CNTLN: variants seen among roughly 807,000 people sequenced by gnomAD.
CNTLN encodes the protein centlein, centrosomal protein.
CNTLN carries 212 observed loss-of-function variants against 180.0 expected under a neutral mutation model. That is an observed-to-expected ratio of 1.18 (90% CI 1.05 to 1.32). The LOEUF (loss-of-function observed/expected upper bound fraction) is 1.32, where lower values mean the gene tolerates loss of function less well. CNTLN is among the 40% of genes most tolerant of loss of function. CNTLN has a pLI of 0.00. For missense variants in CNTLN, 2,095 were observed against 1,610.9 expected, an observed-to-expected ratio of 1.30 and a Z score of -5.14; for synonymous variants, 722 against 563.1, an observed-to-expected ratio of 1.28 and a Z score of -3.99.
At chr9:17,309,951 G>T (rs900269167) in intron 8 of CNTLN, among the ~76,000 whole-genome samples, 1 of 151,800 alleles carries the variant, frequency 6.6e-6, no homozygotes, top group African/African-American at 2.4e-5. Flanking sequence ...ATTTTTGAAC[G>T]CAGCACATTT....
At chr9:17,199,680 G>A (rs1822391641) in intron 2 of CNTLN, among the ~76,000 whole-genome samples, 1 of 152,088 alleles carries the variant, frequency 6.6e-6, no homozygotes, top group Non-Finnish European at 1.5e-5. Flanking sequence ...CCCAGTTTTT[G>A]ATGGGGTTGT....
At chr9:17,513,314 C>G in the CNTLN span, among the ~76,000 whole-genome samples, 1 of 151,260 alleles carries the variant, frequency 6.6e-6, no homozygotes. Flanking sequence ...TGAGACATAG[C>G]TAAAGCTCTA....
At chr9:17,202,502 G>A (rs1203891305) in intron 2 of CNTLN, among the ~76,000 whole-genome samples, 10 of 152,114 alleles carry the variant, frequency 6.6e-5, no homozygotes, top group Admixed American at 6.5e-4. Context: ...GAATCTGGGT[G>A]TTCCTGTATT....
intron 6 of CNTLN, among the ~76,000 whole-genome samples, chr9:17,295,313 C>T (rs548411398): frequency 4.4e-4 from 67 of 152,284 alleles, no homozygotes; most frequent in African/African-American, 1.2e-3. Flanking sequence ...GCTCAAGCGC[C>T]GCCAGAGTGG....
intron 18 of CNTLN, among the ~76,000 whole-genome samples, chr9:17,450,978 T>C (rs1391330321): frequency 1.3e-5 from 2 of 152,182 alleles, no homozygotes; most frequent in Admixed American, 1.3e-4. Context: ...CCTTTTTAAA[T>C]AAGTTGTATG....
At chr9:17,501,915 G>A (rs1833771122) in intron 25 of CNTLN, among the ~76,000 whole-genome samples, 2 of 152,184 alleles carry the variant, frequency 1.3e-5, no homozygotes, top group Non-Finnish European at 2.9e-5. Context: ...ACTCAGTGAA[G>A]CAGAGGGAAC....
chr9:17,479,896 T>C (rs1832546348), intron 23 of CNTLN, among the ~76,000 whole-genome samples: 1 of 152,166 alleles, frequency 6.6e-6, no homozygotes, highest in South Asian at 2.1e-4. Context: ...AATATAGTTA[T>C]CCAAAAGCTT....
the CNTLN span, among the ~76,000 whole-genome samples, chr9:17,515,940 G>A: frequency 6.6e-6 from 1 of 152,114 alleles, no homozygotes; most frequent in Non-Finnish European, 1.5e-5. Flanking sequence ...TTCAAGGCCT[G>A]CATGACCTGG....
intron 25 of CNTLN, among the ~76,000 whole-genome samples, chr9:17,489,282 T>C (rs144725160): frequency 1.5e-4 from 23 of 152,280 alleles, no homozygotes; most frequent in African/African-American, 5.5e-4. Context: ...GTAAATATGT[T>C]CATTCATACA....
At chr9:17,517,573 G>A in the CNTLN span, among the ~76,000 whole-genome samples, 1 of 152,060 alleles carries the variant, frequency 6.6e-6, no homozygotes, top group African/African-American at 2.4e-5. Context: ...CACACAGAGG[G>A]AAGAGGACCA....
At chr9:17,415,603 T>C (rs756460556) in intron 16 of CNTLN, among the ~76,000 whole-genome samples, 185 bp from the exon 17 acceptor site, 4 of 152,166 alleles carry the variant, frequency 2.6e-5, no homozygotes, top group Non-Finnish European at 4.4e-5. Flanking sequence ...GCAGTCTTGC[T>C]CTGTTGCCCA....
At chr9:17,439,432 A>G (rs554774279) in intron 18 of CNTLN, among the ~76,000 whole-genome samples, 1 of 152,146 alleles carries the variant, frequency 6.6e-6, no homozygotes, top group Non-Finnish European at 1.5e-5. Flanking sequence ...ATGCGAATTT[A>G]TAGAGGCATT....
At chr9:17,293,867 C>G (rs1004407647) in intron 6 of CNTLN, among the ~76,000 whole-genome samples, 3 of 151,944 alleles carry the variant, frequency 2.0e-5, no homozygotes, top group African/African-American at 7.3e-5. Context: ...GTGGCATGGG[C>G]TCATTGGGGG....
chr9:17,258,518 G>C (rs1368965811), intron 5 of CNTLN, among the ~76,000 whole-genome samples: 1 of 151,290 alleles, frequency 6.6e-6, no homozygotes, highest in Non-Finnish European at 1.5e-5. Flanking sequence ...TGTGAAGAAA[G>C]TCATTGGTAG....
At chr9:17,254,862 G>A (rs539624569) in intron 5 of CNTLN, among the ~76,000 whole-genome samples, 166 of 151,790 alleles carry the variant, frequency 1.1e-3, no homozygotes, top group Admixed American at 2.5e-3. Flanking sequence ...CATTAAATCT[G>A]TAGCTCACTT....
intron 7 of CNTLN, chr9:17,299,358 T>TA (rs1818188920): frequency 5.7e-6 from 3 of 527,558 alleles, no homozygotes; most frequent in Non-Finnish European, 7.3e-6. Flanking sequence ...CATTTAATGA[T>TA]AGTAGTTGAG....
intron 23 of CNTLN, among the ~76,000 whole-genome samples, chr9:17,477,363 G>C (rs140393435): frequency 0.013 from 1,956 of 152,238 alleles, 14 homozygotes; most frequent in Non-Finnish European, 0.02. Context: ...AGACTTTAAA[G>C]TCTTATTATT....
chr9:17,433,047 A>G (rs866213055), intron 18 of CNTLN, among the ~76,000 whole-genome samples: 8 of 148,530 alleles, frequency 5.4e-5, no homozygotes, highest in African/African-American at 2.0e-4. Context: ...AACAAAGATT[A>G]GGAACAGAAA....
chr9:17,526,471 T>C, the CNTLN span, among the ~76,000 whole-genome samples: 29 of 152,340 alleles, frequency 1.9e-4, no homozygotes, highest in African/African-American at 7.0e-4. Context: ...TATCTTTCAA[T>C]TACTGAATAC....
Sources: gnomAD v4.1 joint callset for allele counts (sites outside exome capture counted in the v4.1 genomes callset) on GRCh38, gnomAD v4.1.1 for gene constraint, MANE v1.5 for transcripts, NCBI Gene and HGNC (gene_info 2026-07-23, HGNC 2026-07-21) for gene names.